The following IMMP2L variants were observed in gnomAD, a reference collection of about 807,000 sequenced individuals.
IMMP2L encodes inner mitochondrial membrane peptidase subunit 2, also known as mitochondrial inner membrane protease subunit 2.
A neutral mutation model predicts 19.3 loss-of-function variants in IMMP2L; 18 were observed. The ratio of observed to expected loss-of-function variants is 0.93; its 90% CI spans 0.64 to 1.38. IMMP2L has a LOEUF of 1.38. IMMP2L is among the 40% of genes most tolerant of loss of function. IMMP2L has a pLI of 0.00. For missense variants in IMMP2L, 233 were observed against 218.2 expected, an observed-to-expected ratio of 1.07 and a Z score of -0.43; for synonymous variants, 76 against 73.0, an observed-to-expected ratio of 1.04 and a Z score of -0.21.
chr7:110,951,324 G>T (rs1363036125), intron 4 of IMMP2L, among the ~76,000 whole-genome samples: 1 of 151,862 alleles, frequency 6.6e-6, no homozygotes, highest in African/African-American at 2.4e-5. Context: ...TAATTTGTTT[G>T]TTTCTTCCAA....
chr7:111,216,582 T>C (rs1811947142), intron 3 of IMMP2L, among the ~76,000 whole-genome samples: 1 of 152,142 alleles, frequency 6.6e-6, no homozygotes, highest in Non-Finnish European at 1.5e-5. Context: ...AAATGTACAG[T>C]ACTCTATTAT....
At chr7:110,963,008 T>C in intron 4 of IMMP2L, 1 of 1,504,146 alleles carries the variant, frequency 6.6e-7, no homozygotes, top group Non-Finnish European at 8.8e-7. Context: ...ACCTGATTGT[T>C]ACAATCTTAT....
intron 5 of IMMP2L, among the ~76,000 whole-genome samples, chr7:110,881,547 T>C (rs575236404): frequency 6.6e-6 from 1 of 152,250 alleles, no homozygotes; most frequent in Non-Finnish European, 1.5e-5. Context: ...CCAATTAAAG[T>C]CTAAGCACCA....
intron 5 of IMMP2L, among the ~76,000 whole-genome samples, chr7:110,677,490 T>G (rs1486608295): frequency 6.6e-6 from 1 of 151,950 alleles, no homozygotes; most frequent in Non-Finnish European, 1.5e-5. Context: ...ATTCCCACGA[T>G]GCTTATCTAC....
chr7:111,047,947 T>C (rs572212197), intron 3 of IMMP2L, among the ~76,000 whole-genome samples: 102 of 152,236 alleles, frequency 6.7e-4, no homozygotes, highest in African/African-American at 2.4e-3. Context: ...GATAGAAATA[T>C]GGCTGCTTCC....
Position 111,408,535 on chromosome 7 carries a change from C to A in IMMP2L, c.239+78703G>T, listed in dbSNP as rs985796286. On this transcript the variant is annotated intron_variant, in intron 3 of 5. Coordinates refer to ENST00000405709, the MANE Select transcript of IMMP2L (RefSeq NM_032549.4). ...TCTAGTGCATCATATCACAGAACTG[C>A]AAGCATATCATTTTGTTCCTGTAAC... 5.9e-5 allele frequency among the ~76,000 whole-genome samples: 9 copies of A among 151,644 alleles called. 1 individual carries two copies. Among genetic ancestry groups the A allele is most frequent in the African/African-American group, 2.2e-4 (9 of 41,186 alleles).
chr7:110,725,862 C>CA (rs1225765444), intron 5 of IMMP2L: 1 of 152,166 alleles, frequency 6.6e-6, no homozygotes, highest in East Asian at 1.9e-4. Flanking sequence ...TATTAGTAAT[C>CA]ACAAGTACTG....
chr7:110,778,321 T>C (rs1266092925), intron 5 of IMMP2L, among the ~76,000 whole-genome samples: 8 of 151,968 alleles, frequency 5.3e-5, no homozygotes, highest in South Asian at 4.1e-4. Context: ...AAATAGAATA[T>C]ATCAAACAAT....
At chr7:111,222,624 T>C (rs1422496953) in intron 3 of IMMP2L, among the ~76,000 whole-genome samples, 2 of 151,986 alleles carry the variant, frequency 1.3e-5, no homozygotes, top group Non-Finnish European at 2.9e-5. Flanking sequence ...AAGGAGATGA[T>C]ATTTGGATAT....
intron 3 of IMMP2L, among the ~76,000 whole-genome samples, chr7:111,388,612 C>T (rs530818755): frequency 1.1e-4 from 16 of 152,146 alleles, no homozygotes; most frequent in Middle Eastern, 3.4e-3. Context: ...TTCCACATGG[C>T]TGAGGAGGCC....
chr7:111,258,790 G>A lies in IMMP2L; in HGVS notation c.239+228448C>T, dbSNP rs553831857. Among the ~76,000 whole-genome samples, 303 of 152,172 alleles carry A rather than the reference G, an allele frequency of 2.0e-3. 2 individuals are homozygous for A. The highest frequency in any genetic ancestry group is 3.1e-3 in the Non-Finnish European group (212 of 68,000). On this transcript the variant is annotated intron_variant, in intron 3 of 5. Coordinates refer to ENST00000405709, the MANE Select transcript of IMMP2L (RefSeq NM_032549.4). The stretch of plus-strand genomic sequence containing the variant: ...TAAAGTGCTGGGCTTATAGGTGTGA[G>A]CCACCGTGCCTAGCCAGAAAAACAT...
intron 4 of IMMP2L, among the ~76,000 whole-genome samples, chr7:110,935,445 C>T (rs1300793843): frequency 6.6e-6 from 1 of 151,938 alleles, no homozygotes; most frequent in Non-Finnish European, 1.5e-5. Flanking sequence ...TCCTTTTGTT[C>T]AATTTTGGTG....
intron 3 of IMMP2L, among the ~76,000 whole-genome samples, chr7:111,469,397 T>C (rs1840997810): frequency 6.6e-6 from 1 of 152,130 alleles, no homozygotes; most frequent in African/African-American, 2.4e-5. Context: ...GCATGGAATG[T>C]TCTTCCATTC....
intron 3 of IMMP2L, among the ~76,000 whole-genome samples, chr7:111,348,191 G>A (rs1321994086): frequency 6.6e-6 from 1 of 151,316 alleles, no homozygotes; most frequent in Non-Finnish European, 1.5e-5. Flanking sequence ...TAATGTAAAT[G>A]ATGAGTTGAT....
intron 5 of IMMP2L, among the ~76,000 whole-genome samples, chr7:110,674,257 T>C (rs1456021183): frequency 6.6e-6 from 1 of 152,180 alleles, no homozygotes; most frequent in African/African-American, 2.4e-5. Context: ...TCAGTCACTA[T>C]CATGAGAATA....
chr7:110,883,679 T>C (rs1809924059), intron 5 of IMMP2L, among the ~76,000 whole-genome samples: 1 of 152,160 alleles, frequency 6.6e-6, no homozygotes, highest in South Asian at 2.1e-4. Context: ...TTGAAATGTA[T>C]AAGCCAAAAG....
chr7:111,474,861 T>C (rs1585254887), intron 3 of IMMP2L, among the ~76,000 whole-genome samples: 1 of 152,124 alleles, frequency 6.6e-6, no homozygotes, highest in African/African-American at 2.4e-5. Flanking sequence ...AAACCCGGAA[T>C]ATTTTAATGA....
At chr7:111,316,717 T>C (rs999212198) in intron 3 of IMMP2L, among the ~76,000 whole-genome samples, 2 of 151,952 alleles carry the variant, frequency 1.3e-5, no homozygotes, top group African/African-American at 4.8e-5. Context: ...TAAATTTATA[T>C]GCTTCAGTAA....
At chr7:111,463,115 C>T (rs541812323) in intron 3 of IMMP2L, among the ~76,000 whole-genome samples, 2 of 152,114 alleles carry the variant, frequency 1.3e-5, no homozygotes, top group South Asian at 4.2e-4. Flanking sequence ...TTCTGGCAGC[C>T]TCAGGTGTTC....
Sources: gnomAD v4.1 joint callset for allele counts (sites outside exome capture counted in the v4.1 genomes callset) on GRCh38, gnomAD v4.1.1 for gene constraint, MANE v1.5 for transcripts, NCBI Gene and HGNC (gene_info 2026-07-23, HGNC 2026-07-21) for gene names.